PALM2AKAP2: variants seen among roughly 807,000 people sequenced by gnomAD.
PALM2AKAP2 encodes PALM2 and AKAP2 fusion, also known as PALM2-AKAP2 fusion protein.
A neutral mutation model predicts 71.5 loss-of-function variants in PALM2AKAP2; 37 were observed. The observed-to-expected ratio is 0.52, with a 90% CI of 0.40 to 0.68. The LOEUF is 0.68. PALM2AKAP2 is among the 30% of genes least tolerant of loss of function. The pLI is 0.00. For missense variants in PALM2AKAP2, 1,224 were observed against 1,191.8 expected (o/e 1.03, Z -0.40); for synonymous variants, 468 against 478.8 (o/e 0.98, Z 0.29).
At chr9:110,011,014 A>AAAAAATATATATAT (rs35212981) in intron 6 of PALM2AKAP2, among the ~76,000 whole-genome samples, 33 of 69,558 alleles carry the variant, frequency 4.7e-4, no homozygotes, top group African/African-American at 2.0e-3. Flanking sequence ...AAAAAAAAAA[A>AAAAAATATATATAT]ATATATATAT....
chr9:109,972,028 C>T (rs1173711986), intron 6 of PALM2AKAP2, among the ~76,000 whole-genome samples: 5 of 152,214 alleles, frequency 3.3e-5, no homozygotes, highest in African/African-American at 1.2e-4. Flanking sequence ...ATTCTCTGTT[C>T]TCAACTCCTG....
intron 1 of PALM2AKAP2, among the ~76,000 whole-genome samples, chr9:110,095,080 A>G (rs1012378664): frequency 6.6e-6 from 1 of 152,228 alleles, no homozygotes; most frequent in Admixed American, 6.5e-5. Context: ...GAAAGAAAAC[A>G]AAATCAGAAA....
At chr9:109,971,518 C>G (rs149932974) in intron 6 of PALM2AKAP2, among the ~76,000 whole-genome samples, 1 of 151,868 alleles carries the variant, frequency 6.6e-6, no homozygotes, top group Middle Eastern at 3.2e-3. Flanking sequence ...CTCCCACTCC[C>G]GGCTTCAAGC....
At chr9:109,874,564 A>G (rs1005973384) in intron 2 of PALM2AKAP2, among the ~76,000 whole-genome samples, 15 of 152,196 alleles carry the variant, frequency 9.9e-5, no homozygotes, top group African/African-American at 3.4e-4. Flanking sequence ...ACCCAGTACT[A>G]TGGCTGCAAA....
At chr9:110,144,548 C>T (rs1232730061) in intron 2 of PALM2AKAP2, among the ~76,000 whole-genome samples, 1 of 152,172 alleles carries the variant, frequency 6.6e-6, no homozygotes, top group African/African-American at 2.4e-5. Context: ...TTTCTAGATT[C>T]AGACTTTTTC....
At chr9:110,123,554 G>A (rs1414711841) in intron 1 of PALM2AKAP2, among the ~76,000 whole-genome samples, 5 of 152,158 alleles carry the variant, frequency 3.3e-5, no homozygotes, top group Non-Finnish European at 7.4e-5. Flanking sequence ...AAGAACTTGT[G>A]GAGATGACTC....
intron 1 of PALM2AKAP2, among the ~76,000 whole-genome samples, chr9:109,708,229 C>T (rs1284662850): frequency 6.6e-6 from 1 of 152,152 alleles, no homozygotes; most frequent in Non-Finnish European, 1.5e-5. Flanking sequence ...CCTCCTTTGT[C>T]TCTGGCCACA....
intron 3 of PALM2AKAP2, among the ~76,000 whole-genome samples, chr9:109,895,816 G>A (rs534097143): frequency 5.3e-5 from 8 of 152,294 alleles, no homozygotes; most frequent in Admixed American, 2.6e-4. Flanking sequence ...GAGGTTTCAG[G>A]AAACTTACAA....
At chr9:109,793,619 T>C (rs1489926852) in intron 1 of PALM2AKAP2, among the ~76,000 whole-genome samples, 1 of 152,238 alleles carries the variant, frequency 6.6e-6, no homozygotes, top group Non-Finnish European at 1.5e-5. Flanking sequence ...TGATTTTAGA[T>C]AGCAGCTTCA....
chr9:110,045,917 C>T (rs1029455824), upstream of PALM2AKAP2, among the ~76,000 whole-genome samples: 3 of 152,138 alleles, frequency 2.0e-5, no homozygotes, highest in Non-Finnish European at 4.4e-5. Context: ...GTACTGGCTT[C>T]GAAAAATTCT....
At chr9:109,964,518 G>A (rs746286491) in intron 6 of PALM2AKAP2, among the ~76,000 whole-genome samples, 3 of 152,168 alleles carry the variant, frequency 2.0e-5, no homozygotes, top group Non-Finnish European at 4.4e-5. Flanking sequence ...ATGATCTTTA[G>A]GTTAAGGTCG....
At chr9:109,868,044 AC>A (rs1316534398) in intron 2 of PALM2AKAP2, among the ~76,000 whole-genome samples, 3 of 152,248 alleles carry the variant, frequency 2.0e-5, no homozygotes, top group Non-Finnish European at 1.5e-5. Flanking sequence ...TGATAAAAGA[AC>A]AACACTGTGT....
At chr9:109,844,232 A>C (rs1047345209) in intron 1 of PALM2AKAP2, among the ~76,000 whole-genome samples, 1 of 152,190 alleles carries the variant, frequency 6.6e-6, no homozygotes, top group Non-Finnish European at 1.5e-5. Context: ...AAGCGAATGG[A>C]GACTTAGAAA....
chr9:109,989,459 T>C (rs1453634588), intron 6 of PALM2AKAP2, among the ~76,000 whole-genome samples: 1 of 152,266 alleles, frequency 6.6e-6, no homozygotes, highest in African/African-American at 2.4e-5. Context: ...AAGTCCTGTT[T>C]CATGCTGTTG....
intron 1 of PALM2AKAP2, among the ~76,000 whole-genome samples, chr9:110,124,879 TA>T (rs759304919): frequency 1.1e-4 from 16 of 151,464 alleles, no homozygotes; most frequent in East Asian, 3.9e-4. Flanking sequence ...ATGATATGAG[TA>T]AAAAAAAAGT....
chr9:109,822,386 C>T (rs188820288), intron 1 of PALM2AKAP2, among the ~76,000 whole-genome samples: 27 of 152,180 alleles, frequency 1.8e-4, no homozygotes, highest in Non-Finnish European at 3.4e-4. Flanking sequence ...TTCCAACTTT[C>T]ATTTCAGGTT....
intron 3 of PALM2AKAP2, among the ~76,000 whole-genome samples, chr9:109,922,421 CAAAAAAAAAAAAAAAAAAAA>C (rs398011831): frequency 1.7e-3 from 33 of 19,236 alleles, no homozygotes; most frequent in South Asian, 6.9e-3. Context: ...GACTCTATCT[CAAAAAAAAAAAAAAAAAAAA>C]AAAAAAAAAA....
At chr9:109,824,169 G>A (rs1828083246) in intron 1 of PALM2AKAP2, among the ~76,000 whole-genome samples, 2 of 152,206 alleles carry the variant, frequency 1.3e-5, no homozygotes, top group African/African-American at 4.8e-5. Flanking sequence ...GATTACAGGT[G>A]TGAGCCACTG....
At chr9:109,932,105 T>G in intron 6 of PALM2AKAP2, 77 bp downstream of exon 6, 5 of 1,393,850 alleles carry the variant, frequency 3.6e-6, no homozygotes, top group Non-Finnish European at 3.9e-6. Flanking sequence ...ATGAGATGAG[T>G]GCCCTGCTAT....
Sources: allele counts gnomAD v4.1 joint callset (sites outside exome capture counted in the v4.1 genomes callset), GRCh38; gene constraint gnomAD v4.1.1; transcripts MANE v1.5; gene names NCBI Gene and HGNC (gene_info 2026-07-23, HGNC 2026-07-21).